Variants in ADAMTS16 observed in about 807,000 individuals in gnomAD.
ADAMTS16 encodes ADAM metallopeptidase with thrombospondin type 1 motif 16.
A neutral mutation model predicts 145.8 loss-of-function variants in ADAMTS16; 94 were observed. That is an observed-to-expected ratio of 0.64 (90% confidence interval 0.55 to 0.77). ADAMTS16 has a LOEUF of 0.77. Ranked by LOEUF, ADAMTS16 falls within the 30% of genes least tolerant of loss-of-function variation. The pLI, the probability that ADAMTS16 is intolerant of heterozygous loss-of-function variation, is 0.00. For synonymous variants in ADAMTS16, 659 were observed against 604.3 expected, an observed-to-expected ratio of 1.09 and a Z score of -1.33; for missense variants, 1,585 against 1,591.5, an observed-to-expected ratio of 1.00 and a Z score of 0.07.
At chr5:5,223,039 T>C (rs1736650668) in intron 11 of ADAMTS16, 155 bp downstream of exon 11, 1 of 576,300 alleles carries the variant, frequency 1.7e-6, no homozygotes, top group African/African-American at 1.9e-5. Context: ...TATTTTATAT[T>C]GATAATGTGA....
chr5:5,222,906 C>A (rs760045961), intron 11 of ADAMTS16, 22 bp downstream of exon 11: 1 of 1,605,546 alleles, frequency 6.2e-7, no homozygotes, highest in African/African-American at 1.3e-5. Context: ...ACTGTAGGTA[C>A]AGCATCGTAT....
intron 18 of ADAMTS16, among the ~76,000 whole-genome samples, chr5:5,300,502 T>G (rs1739727027): frequency 6.6e-6 from 1 of 152,236 alleles, no homozygotes; most frequent in South Asian, 2.1e-4. Flanking sequence ...TACACAAATT[T>G]ACATTTTAGT....
chr5:5,237,039 C>A lies in ADAMTS16; in HGVS notation c.2094C>A (p.Val698=), dbSNP rs779376714. 1 of 1,613,910 alleles carries A rather than the reference C, an allele frequency of 6.2e-7. No individual in the cohort carries two copies. Among genetic ancestry groups the A allele is most frequent in the East Asian group, 2.2e-5 (1 of 44,870 alleles). Residue 698 remains valine (V), a synonymous_variant, in exon 14 of 23, where the codon GTC becomes GTA. Coordinates refer to ENST00000274181, the MANE Select transcript of ADAMTS16 (RefSeq NM_139056.4). ...TCTTCTTTTCTTTGTCAAATAAAGTCAAAGATGGGACTCCATGCTCGGAGG... is the reference window on the plus strand; with the variant it reads ...TCTTCTTTTCTTTGTCAAATAAAGTAAAAGATGGGACTCCATGCTCGGAGG... ...FDFFFSLSNK[V]KDGTPCSEDS... is the part of the protein sequence containing the mutation.
chr5:5,189,481 A>T (rs1735597755), intron 6 of ADAMTS16, among the ~76,000 whole-genome samples: 1 of 152,236 alleles, frequency 6.6e-6, no homozygotes, highest in Non-Finnish European at 1.5e-5. Flanking sequence ...GCCTTTGTAG[A>T]AAAGATATTT....
chr5:5,142,025 AG>A (rs1414769084), intron 2 of ADAMTS16: 1 of 151,982 alleles, frequency 6.6e-6, no homozygotes, highest in African/African-American at 2.4e-5. Context: ...ACAATTTTAA[AG>A]GTTAATTCTA....
intron 5 of ADAMTS16, among the ~76,000 whole-genome samples, chr5:5,187,270 A>G (rs911262755): frequency 4.6e-5 from 7 of 152,136 alleles, no homozygotes; most frequent in African/African-American, 1.7e-4. Context: ...TCCATGATCC[A>G]TCACCTCTGA....
At chr5:5,223,233 C>T (rs1046688371) in intron 11 of ADAMTS16, 13 of 226,634 alleles carry the variant, frequency 5.7e-5, no homozygotes, top group South Asian at 9.8e-5. Flanking sequence ...CACAGAACAT[C>T]GGTTTGAAGA....
intron 8 of ADAMTS16, among the ~76,000 whole-genome samples, chr5:5,197,823 C>T (rs1389871590): frequency 6.6e-6 from 1 of 152,146 alleles, no homozygotes; most frequent in African/African-American, 2.4e-5. Flanking sequence ...TGATTGGAGA[C>T]ACAAATTGTG....
chr5:5,272,360 AT>A (rs11444357), intron 18 of ADAMTS16, among the ~76,000 whole-genome samples: 8,474 of 122,398 alleles, frequency 0.069, 476 homozygotes, highest in African/African-American at 0.19. Flanking sequence ...ATTCCAAAGG[AT>A]TTTTTTTTTT....
rs1157053349 is a variant in ADAMTS16 at position 5,317,739 on chromosome 5, G to A, written c.3412-395G>A. Among the ~76,000 whole-genome samples, 2 of 152,102 alleles carry A rather than the reference G, an allele frequency of 1.3e-5. No homozygotes were observed. The highest frequency in any genetic ancestry group is 1.5e-5 in the Non-Finnish European group (1 of 68,010). On this transcript the variant is annotated intron_variant, in intron 21 of 22. Transcript: ENST00000274181. This position sits in a 1 kb window ranked among gnomAD's most constrained non-coding sequence, Gnocchi z 4.5. ...AAAAAGTGAACTCAGCCCCCACAAA[G>A]CCCAAGCCCGGGAACCGTCTGTTGA...
chr5:5,273,122 G>A (rs1738544882), intron 18 of ADAMTS16, among the ~76,000 whole-genome samples: 1 of 152,174 alleles, frequency 6.6e-6, no homozygotes. Context: ...CCGTGCTGAG[G>A]CCCACCTGAT....
At chr5:5,285,312 T>C (rs1189164301) in intron 18 of ADAMTS16, among the ~76,000 whole-genome samples, 2 of 152,214 alleles carry the variant, frequency 1.3e-5, no homozygotes, top group East Asian at 3.9e-4. Flanking sequence ...TGAAGGATGC[T>C]TGTGAAAGGT....
At chr5:5,143,473 A>C (rs1398023194) in intron 2 of ADAMTS16, among the ~76,000 whole-genome samples, 1 of 152,206 alleles carries the variant, frequency 6.6e-6, no homozygotes, top group Non-Finnish European at 1.5e-5. Flanking sequence ...AAAAAGTCAG[A>C]AAACAACAGA....
chr5:5,238,824 G>T (rs1737196717), intron 14 of ADAMTS16, among the ~76,000 whole-genome samples: 1 of 152,184 alleles, frequency 6.6e-6, no homozygotes, highest in Non-Finnish European at 1.5e-5. Flanking sequence ...CACATTGCTT[G>T]TCATTGTACT....
chr5:5,301,329 C>A (rs542676072), intron 18 of ADAMTS16, among the ~76,000 whole-genome samples: 3 of 152,176 alleles, frequency 2.0e-5, no homozygotes, highest in Admixed American at 1.3e-4. Flanking sequence ...TTCCTCCTGC[C>A]TCAGCCTGGA....
chr5:5,308,103 C>A (rs1304092696), intron 21 of ADAMTS16, among the ~76,000 whole-genome samples: 3 of 152,222 alleles, frequency 2.0e-5, no homozygotes, highest in Admixed American at 2.0e-4. Context: ...GGTGGCACAC[C>A]CAAGGTGAAG....
intron 17 of ADAMTS16, among the ~76,000 whole-genome samples, chr5:5,255,393 G>A (rs1321196316): frequency 6.6e-6 from 1 of 152,248 alleles, no homozygotes; most frequent in Non-Finnish European, 1.5e-5. Context: ...GATTGAAAGA[G>A]TAAAGGCCAG....
rs368545668 is a variant in ADAMTS16, at chr5:5,182,755, C to T, written c.763+450C>T. Among the ~76,000 whole-genome samples, 40 of 151,942 alleles carry T rather than the reference C, an allele frequency of 2.6e-4. 1 individual carries two copies. Among genetic ancestry groups the T allele is most frequent in the East Asian group, 1.5e-3 (8 of 5,162 alleles). On this transcript the variant is annotated intron_variant, in intron 4 of 22. Transcript: ENST00000274181. Reference sequence around the variant, plus strand: ...GACTCAGTGTGACATAGTAGACCTGCGATTTATCACCAAAGCTTTATCAGA... The same window carrying T: ...GACTCAGTGTGACATAGTAGACCTGTGATTTATCACCAAAGCTTTATCAGA...
chr5:5,227,684 C>T (rs1156869129), intron 11 of ADAMTS16, among the ~76,000 whole-genome samples: 1 of 152,100 alleles, frequency 6.6e-6, no homozygotes, highest in African/African-American at 2.4e-5. Context: ...ACAGAAATAA[C>T]AAAAGATGTA....
Sources: allele counts gnomAD v4.1 joint callset (sites outside exome capture counted in the v4.1 genomes callset), GRCh38; gene constraint gnomAD v4.1.1; non-coding constraint Gnocchi (gnomAD v3.1); transcripts MANE v1.5; gene names NCBI Gene and HGNC (gene_info 2026-07-23, HGNC 2026-07-21).